The following MIPOL1 variants were observed in gnomAD, a reference collection of about 807,000 sequenced individuals.
MIPOL1 encodes the protein mirror-image polydactyly 1, also known as mirror-image polydactyly gene 1 protein.
MIPOL1 carries 57 observed loss-of-function variants against 60.9 expected under a neutral mutation model. That is an observed-to-expected ratio of 0.94 (90% CI 0.76 to 1.17). MIPOL1 has a LOEUF of 1.17. MIPOL1 is among the 50% of genes most tolerant of loss of function. The pLI is 0.00. For missense variants in MIPOL1, 551 were observed against 511.6 expected, an observed-to-expected ratio of 1.08 and a Z score of -0.74; for synonymous variants, 179 against 168.8, an observed-to-expected ratio of 1.06 and a Z score of -0.47.
At chr14:37,241,594 G>A (rs1972369426) in intron 1 of MIPOL1, among the ~76,000 whole-genome samples, 1 of 148,170 alleles carries the variant, frequency 6.7e-6, no homozygotes, top group African/African-American at 2.5e-5. Flanking sequence ...GGGTGGGGGT[G>A]GGGAGGTGGG....
At chr14:37,532,577 T>G (rs1262252060) in intron 12 of MIPOL1, among the ~76,000 whole-genome samples, 1 of 152,198 alleles carries the variant, frequency 6.6e-6, no homozygotes, top group Non-Finnish European at 1.5e-5. Context: ...ACAGTCTTAC[T>G]AAGAGAATAG....
chr14:37,387,068 C>T (rs905252934), intron 10 of MIPOL1, among the ~76,000 whole-genome samples: 1 of 151,770 alleles, frequency 6.6e-6, no homozygotes, highest in East Asian at 1.9e-4. Context: ...CATTCAAAAA[C>T]CGTAAGTTTG....
At chr14:37,523,365 A>T in intron 12 of MIPOL1, 2 of 338,582 alleles carry the variant, frequency 5.9e-6, no homozygotes. Context: ...CTAATTAGTT[A>T]TCGTAAAGTG....
chr14:37,298,340 T>G (rs1480719208), intron 7 of MIPOL1, among the ~76,000 whole-genome samples: 1 of 151,588 alleles, frequency 6.6e-6, no homozygotes, highest in African/African-American at 2.4e-5. Flanking sequence ...CCTAAAACCA[T>G]AAAAACCCTA....
In MIPOL1 at chr14:37,548,614, ATTATCT is replaced by A. The variant is rs1245381608; in HGVS notation, c.*1647_*1652del. 1 of 151,954 alleles carries A rather than the reference ATTATCT, an allele frequency of 6.6e-6. No individual in the cohort carries two copies. Among genetic ancestry groups the A allele is most frequent in the Non-Finnish European group, 1.5e-5 (1 of 67,856 alleles). 9.4% of individuals were successfully genotyped at this position (151,954 alleles called of 1,614,324 possible). A position where few individuals can be genotyped will look rare whatever the true frequency, so the allele number is the denominator to read the frequency against. On this transcript the variant is annotated 3_prime_UTR_variant, in exon 13 of 13. Coordinates refer to ENST00000684589, the MANE Select transcript of MIPOL1 (RefSeq NM_001388067.1). ...GTAACAGCTCCCTATGTGAAGAAACATTATCTTTAAAGTCATCTGGGAGGTGCAGGT... is the reference window on the plus strand; with the variant it reads ...GTAACAGCTCCCTATGTGAAGAAACATTAAAGTCATCTGGGAGGTGCAGGT...
chr14:37,201,825 TTTG>T (rs745756186), intron 1 of MIPOL1, among the ~76,000 whole-genome samples: 5 of 152,124 alleles, frequency 3.3e-5, no homozygotes, highest in Non-Finnish European at 5.9e-5. Context: ...TTTCTAGGTA[TTTG>T]TTGTTGTTCT....
intron 10 of MIPOL1, among the ~76,000 whole-genome samples, chr14:37,408,669 T>G (rs1359885618): frequency 6.6e-6 from 1 of 152,128 alleles, no homozygotes; most frequent in African/African-American, 2.4e-5. Context: ...TTTAAATAAA[T>G]ACATAAACCA....
intron 9 of MIPOL1, among the ~76,000 whole-genome samples, chr14:37,335,825 T>C (rs956974642): frequency 6.6e-6 from 1 of 152,160 alleles, no homozygotes; most frequent in African/African-American, 2.4e-5. Context: ...TGATATATGA[T>C]TTACAAATAT....
At chr14:37,538,781 G>A (rs982242512) in intron 12 of MIPOL1, among the ~76,000 whole-genome samples, 1 of 152,104 alleles carries the variant, frequency 6.6e-6, no homozygotes, top group African/African-American at 2.4e-5. Context: ...GAATAAATCC[G>A]GGCCAGCTTA....
intron 6 of MIPOL1, among the ~76,000 whole-genome samples, chr14:37,274,291 CT>C (rs1174636995): frequency 6.6e-6 from 1 of 151,350 alleles, no homozygotes; most frequent in Non-Finnish European, 1.5e-5. Flanking sequence ...TAACACAAAT[CT>C]GTTATTCTAA....
intron 12 of MIPOL1, among the ~76,000 whole-genome samples, chr14:37,540,051 T>G (rs1594931287): frequency 6.6e-6 from 1 of 152,296 alleles, no homozygotes; most frequent in East Asian, 1.9e-4. Context: ...CCCCTTCCCT[T>G]ATGATTGTAA....
rs576912016 is a variant in MIPOL1 at position 37,348,823 on chromosome 14, T to G, written c.829-20694T>G. Reference sequence around the variant, plus strand: ...TCCCTTAGTCTATTCTTTTTTCCTTTTTTTGTTTTTTTTTTTTTTTTTTGG... The same window carrying G: ...TCCCTTAGTCTATTCTTTTTTCCTTGTTTTGTTTTTTTTTTTTTTTTTTGG... On this transcript the variant is annotated intron_variant, in intron 9 of 12. Coordinates refer to ENST00000684589, the MANE Select transcript of MIPOL1 (RefSeq NM_001388067.1). Among the ~76,000 whole-genome samples, 210 of 50,896 alleles carry G rather than the reference T, an allele frequency of 4.1e-3. 1 individual carries two copies. The highest frequency in any genetic ancestry group is 0.01 in the African/African-American group (198 of 19,598). The allele number at this position is 50,896 out of a possible 152,430, so 33.4% of individuals were successfully genotyped here.
In MIPOL1 at chr14:37,270,542, T is replaced by G. The variant is rs747056490; in HGVS notation, c.493+17T>G. 1.5e-6 allele frequency: 2 copies of G among 1,364,148 alleles called. No individual in the cohort carries two copies. Among genetic ancestry groups the G allele is most frequent in the South Asian group, 2.6e-5 (2 of 76,634 alleles). The allele number at this position is 1,364,148 out of a possible 1,614,324, so 84.5% of individuals were successfully genotyped here. A position where few individuals can be genotyped will look rare whatever the true frequency, so the allele number is the denominator to read the frequency against. The stretch of plus-strand genomic sequence containing the variant: ...AGACAGCAGGTATAGTAGAGGAGTA[T>G]TAACACATGGCTTGAAGAATCACAC... On this transcript the variant is annotated intron_variant, in intron 6 of 12. Coordinates refer to ENST00000684589, the MANE Select transcript of MIPOL1 (RefSeq NM_001388067.1).
chr14:37,354,795 G>A (rs1211188685), intron 9 of MIPOL1, among the ~76,000 whole-genome samples: 2 of 104,374 alleles, frequency 1.9e-5, no homozygotes, highest in East Asian at 2.8e-4. Flanking sequence ...TTGAGCCTAT[G>A]TGTGTCTCTG....
intron 1 of MIPOL1, among the ~76,000 whole-genome samples, chr14:37,216,730 A>C (rs770598601): frequency 1.3e-5 from 2 of 152,198 alleles, no homozygotes; most frequent in Non-Finnish European, 2.9e-5. Flanking sequence ...AAATTTCTTG[A>C]AACAAATGAT....
At chr14:37,273,094 T>G (rs1423093859) in intron 6 of MIPOL1, among the ~76,000 whole-genome samples, 1 of 151,260 alleles carries the variant, frequency 6.6e-6, no homozygotes, top group African/African-American at 2.4e-5. Flanking sequence ...ATTAAATAAG[T>G]TATGATACAT....
At chr14:37,243,791 G>A (rs1972720427) in intron 1 of MIPOL1, among the ~76,000 whole-genome samples, 1 of 152,042 alleles carries the variant, frequency 6.6e-6, no homozygotes, top group Non-Finnish European at 1.5e-5. Context: ...CTGTCAAAAA[G>A]GCATTATTTA....
At chr14:37,236,411 G>C (rs1971485238) in intron 1 of MIPOL1, among the ~76,000 whole-genome samples, 1 of 151,988 alleles carries the variant, frequency 6.6e-6, no homozygotes, top group Admixed American at 6.6e-5. Context: ...ATTGAAGGCT[G>C]TAGTAGTGTG....
intron 12 of MIPOL1, among the ~76,000 whole-genome samples, chr14:37,517,163 T>C (rs2095375981): frequency 6.6e-6 from 1 of 152,192 alleles, no homozygotes; most frequent in South Asian, 2.1e-4. Context: ...ATATACTTGC[T>C]CTAATCTAGT....
Sources: gnomAD v4.1 joint callset for allele counts (sites outside exome capture counted in the v4.1 genomes callset) on GRCh38, gnomAD v4.1.1 for gene constraint, MANE v1.5 for transcripts, NCBI Gene and HGNC (gene_info 2026-07-23, HGNC 2026-07-21) for gene names.